The following BACH2 variants were observed in gnomAD, a reference collection of about 807,000 sequenced individuals.
The protein encoded by BACH2 is BACH transcriptional regulator 2.
A neutral mutation model predicts 61.8 loss-of-function variants in BACH2; 5 were observed. The observed-to-expected ratio is 0.08, with a 90% CI of 0.04 to 0.17. The LOEUF is 0.17. Ranked by LOEUF, BACH2 falls within the 10% of genes least tolerant of loss-of-function variation. BACH2 has a pLI of 1.00. For missense variants in BACH2, 824 were observed against 1,091.1 expected, an observed-to-expected ratio of 0.76 and a Z score of 3.45; for synonymous variants, 446 against 440.1, an observed-to-expected ratio of 1.01 and a Z score of -0.17.
intron 6 of BACH2, among the ~76,000 whole-genome samples, chr6:89,968,069 C>G (rs1775143123): frequency 1.3e-5 from 2 of 152,216 alleles, no homozygotes; most frequent in Admixed American, 1.3e-4. Flanking sequence ...TTTGCCCAAG[C>G]CATGACCACT....
chr6:89,950,238 G>A lies in BACH2; in HGVS notation c.1836+32C>T, dbSNP rs1488315746. ...TCCAGATAAAGGGCCTAGAGAGTGG[G>A]TCACATGCTTGAATTTATGTGGGTT... On this transcript the variant is annotated intron_variant, in intron 7 of 8. Coordinates refer to ENST00000257749, the MANE Select transcript of BACH2 (RefSeq NM_021813.4). This position sits in a 1 kb window ranked among gnomAD's most constrained non-coding sequence, Gnocchi z 5.3. 2.5e-6 allele frequency: 4 copies of A among 1,612,930 alleles called. No homozygotes were observed. Among genetic ancestry groups the A allele is most frequent in the Non-Finnish European group, 3.4e-6 (4 of 1,179,164 alleles).
At chr6:90,141,449 G>A (rs1280161153) in intron 4 of BACH2, among the ~76,000 whole-genome samples, 1 of 151,192 alleles carries the variant, frequency 6.6e-6, no homozygotes, top group Non-Finnish European at 1.5e-5. Context: ...CCAAAGTGCT[G>A]GGATTACAGG....
chr6:89,963,630 G>C (rs917564213), intron 6 of BACH2, among the ~76,000 whole-genome samples: 4 of 152,178 alleles, frequency 2.6e-5, no homozygotes, highest in African/African-American at 9.6e-5. Flanking sequence ...TAGTGCAGCT[G>C]CTATGGAAAA....
At position 90,206,416 on chromosome 6, in the gene BACH2, AC is replaced by A. The variant is rs530228392; in HGVS notation, c.-162+152del. 3.3e-3 allele frequency among the ~76,000 whole-genome samples: 502 copies of A among 152,220 alleles called. 3 individuals carry two copies. The highest frequency in any genetic ancestry group is 0.011 in the African/African-American group (457 of 41,534). On this transcript the variant is annotated intron_variant, in intron 4 of 8. Transcript: ENST00000257749. ...GCCAGAGTAGCCACCAGCACCTGTG[AC>A]CCTGCTTGTGGGGGATCACACGACT...
At chr6:90,031,916 G>A (rs1582233020) in intron 5 of BACH2, among the ~76,000 whole-genome samples, 1 of 152,264 alleles carries the variant, frequency 6.6e-6, no homozygotes, top group Admixed American at 6.5e-5. Context: ...TAAGCCAAAA[G>A]AACAAAGCTG....
At chr6:90,088,329 T>G (rs1473563012) in intron 5 of BACH2, among the ~76,000 whole-genome samples, 1 of 152,178 alleles carries the variant, frequency 6.6e-6, no homozygotes, top group African/African-American at 2.4e-5. Context: ...AGCTGTTGTT[T>G]TAGCCTAATA....
chr6:90,045,642 G>A (rs1779742435), intron 5 of BACH2, among the ~76,000 whole-genome samples: 1 of 152,088 alleles, frequency 6.6e-6, no homozygotes, highest in Non-Finnish European at 1.5e-5. Flanking sequence ...CCAAGTCAGT[G>A]GGTTCACCAA....
intron 6 of BACH2, among the ~76,000 whole-genome samples, chr6:89,989,559 GC>G (rs1695092988): frequency 6.6e-6 from 1 of 152,110 alleles, no homozygotes; most frequent in African/African-American, 2.4e-5. Flanking sequence ...TATCCTCCGG[GC>G]GTGGAGCATG....
chr6:90,090,175 A>G (rs1782103377), intron 4 of BACH2, among the ~76,000 whole-genome samples: 1 of 152,124 alleles, frequency 6.6e-6, no homozygotes, highest in South Asian at 2.1e-4. Context: ...ATTATTCAAA[A>G]CATGCTTTTG....
At chr6:89,968,905 G>C (rs556277686) in intron 6 of BACH2, among the ~76,000 whole-genome samples, 36 of 152,186 alleles carry the variant, frequency 2.4e-4, no homozygotes, top group Non-Finnish European at 4.4e-5. Flanking sequence ...CAGCTACTTG[G>C]GGGGCTGAGG....
intron 4 of BACH2, among the ~76,000 whole-genome samples, chr6:90,172,899 A>T (rs1453357987): frequency 6.6e-6 from 1 of 152,080 alleles, no homozygotes; most frequent in Admixed American, 6.5e-5. Context: ...ATAATATAAA[A>T]CTATAAACCA....
At chr6:90,023,188 T>A (rs1778465794) in intron 5 of BACH2, among the ~76,000 whole-genome samples, 1 of 152,134 alleles carries the variant, frequency 6.6e-6, no homozygotes, top group Non-Finnish European at 1.5e-5. Context: ...ATATATACTG[T>A]TATGGAGTGA....
chr6:90,139,030 A>G (rs1048792819), intron 4 of BACH2, among the ~76,000 whole-genome samples: 2 of 152,140 alleles, frequency 1.3e-5, no homozygotes, highest in African/African-American at 4.8e-5. Context: ...TCCCGTACAC[A>G]TGCACTTTAG....
intron 3 of BACH2, among the ~76,000 whole-genome samples, chr6:90,214,194 A>G (rs778904139): frequency 6.6e-6 from 1 of 152,066 alleles, no homozygotes; most frequent in Non-Finnish European, 1.5e-5. Context: ...ATTCCAGGCA[A>G]CTCTTGATCC....
intron 4 of BACH2, among the ~76,000 whole-genome samples, chr6:90,101,529 T>C (rs1173024842): frequency 3.3e-5 from 5 of 152,142 alleles, no homozygotes; most frequent in African/African-American, 1.2e-4. Context: ...GAACCCTTGT[T>C]GAAAACTTTG....
chr6:90,126,839 C>T (rs1783871897), intron 4 of BACH2, among the ~76,000 whole-genome samples: 1 of 152,186 alleles, frequency 6.6e-6, no homozygotes, highest in Admixed American at 6.5e-5. Context: ...TACATTTATC[C>T]TCCAGTCTCA....
Position 90,296,833 on chromosome 6 carries a change from C to G in BACH2, c.-799G>C, listed in dbSNP as rs570428591. The G allele has an allele frequency of 5.7e-6, 1 of 176,366 alleles. No individual in the cohort carries two copies. The highest frequency in any genetic ancestry group is 1.7e-4 in the East Asian group (1 of 5,918). The allele number at this position is 176,366 out of a possible 1,614,324, so 10.9% of individuals were successfully genotyped here. The stretch of plus-strand genomic sequence containing the variant: ...TGCTGCTGCTGAGGCGGCGGCGGCT[C>G]GGCGCTGTTTGCTCCGCGCCGCGCG... On this transcript the variant is annotated 5_prime_UTR_variant, in exon 1 of 9. Coordinates refer to ENST00000257749, the MANE Select transcript of BACH2 (RefSeq NM_021813.4).
chr6:90,211,189 C>T (rs935697939), intron 3 of BACH2, among the ~76,000 whole-genome samples: 1 of 133,012 alleles, frequency 7.5e-6, no homozygotes, highest in African/African-American at 2.8e-5. Context: ...AGAGAAATGA[C>T]AAGAAAAGAT....
Position 89,938,342 on chromosome 6 carries a change from A to T in BACH2, c.1845T>A (p.Leu615=). The T allele has an allele frequency of 6.2e-7, 1 of 1,612,716 alleles. No homozygotes were observed. Among genetic ancestry groups the T allele is most frequent in the Non-Finnish European group, 8.5e-7 (1 of 1,178,882 alleles). ...PVQDRGQEVK[L]PFPVDQITDL... ...CTGTGATTTGATCTACAGGAAAAGG[A>T]AGTTTTACCTGAAACCAAGAATAAC... Residue 615 remains leucine (L), a synonymous_variant, in exon 8 of 9, where the codon CTT becomes CTA. Coordinates refer to ENST00000257749, the MANE Select transcript of BACH2 (RefSeq NM_021813.4).
Sources: allele counts gnomAD v4.1 joint callset (sites outside exome capture counted in the v4.1 genomes callset), GRCh38; gene constraint gnomAD v4.1.1; non-coding constraint Gnocchi (gnomAD v3.1); transcripts MANE v1.5; gene names NCBI Gene and HGNC (gene_info 2026-07-23, HGNC 2026-07-21).